The following YWHAZ variants were observed in gnomAD, a reference collection of about 807,000 sequenced individuals.
YWHAZ encodes 14-3-3 protein zeta/delta.
For synonymous variants in YWHAZ, 87 were observed against 103.6 expected (o/e 0.84, Z 0.97); for missense variants, 79 against 284.8 (o/e 0.28, Z 5.20).
Position 100,920,772 on chromosome 8 carries a change from T to G in YWHAZ, c.679-20A>C, listed in dbSNP as rs1203251860. 1.5e-6 allele frequency: 2 copies of G among 1,321,746 alleles called. No homozygotes were observed. The highest frequency in any genetic ancestry group is 1.0e-6 in the Non-Finnish European group (1 of 992,836). 81.9% of individuals were successfully genotyped at this position (1,321,746 alleles called of 1,614,324 possible). Reference sequence around the variant, plus strand: ...CCACAACTGGTAAAAGAAGGAAAGATTTTTCAGCAAGTTTCAGTGGGATGG... The same window carrying G: ...CCACAACTGGTAAAAGAAGGAAAGAGTTTTCAGCAAGTTTCAGTGGGATGG... On this transcript the variant is annotated intron_variant, in intron 5 of 5. Transcript: ENST00000395958.
At position 100,951,519 on chromosome 8, in the gene YWHAZ, G is replaced by A. The variant is rs534146102; in HGVS notation, c.-12+410C>T. On this transcript the variant is annotated intron_variant, in intron 1 of 5. Coordinates refer to ENST00000395958, the MANE Select transcript of YWHAZ (RefSeq NM_145690.3). ...CATTATCTCGGGCGGAAGCGAGAAG[G>A]GCGGCGAGGGAGGGGGTGGAAGCCC... 81 of 985,662 alleles carry A rather than the reference G, an allele frequency of 8.2e-5. No homozygotes were observed. In the African/African-American group the frequency reaches 1.2e-3, roughly 15 times the overall value. The allele number at this position is 985,662 out of a possible 1,614,324, so 61.1% of individuals were successfully genotyped here.
chr8:100,937,580 AACTTTG>A (rs1814246132), intron 2 of YWHAZ, among the ~76,000 whole-genome samples: 2 of 152,350 alleles, frequency 1.3e-5, no homozygotes, highest in South Asian at 4.1e-4. Flanking sequence ...CAGCTGGGCT[AACTTTG>A]ACATGACCTC....
At chr8:100,933,562 T>C (rs1813910517) in intron 2 of YWHAZ, among the ~76,000 whole-genome samples, 1 of 152,220 alleles carries the variant, frequency 6.6e-6, no homozygotes, top group African/African-American at 2.4e-5. Context: ...CTGTGCTAAA[T>C]ACCTCTCCAT....
chr8:100,943,495 CAATGACATTT>C (rs1258000184), intron 2 of YWHAZ, among the ~76,000 whole-genome samples: 2 of 152,130 alleles, frequency 1.3e-5, no homozygotes, highest in Non-Finnish European at 2.9e-5. Flanking sequence ...TCCAAAAGTC[CAATGACATTT>C]AATTCAGTAT....
In YWHAZ at chr8:100,925,028, T is replaced by C. The variant is rs1813264488; in HGVS notation, c.306A>G (p.Glu102=). 1.2e-6 allele frequency: 2 copies of C among 1,612,620 alleles called. No homozygotes were observed. Among genetic ancestry groups the C allele is most frequent in the South Asian group, 2.2e-5 (2 of 90,862 alleles). ...DICNDVLSLL[E]KFLIPNASQA... ...GTGAAGCATTGGGGATCAAGAACTT[T>C]TCCAAAAGAGACTTAAGAAGAAAAG... The change falls in exon 3 of 6, where the codon GAA becomes GAG. Residue 102 remains glutamate (E), a synonymous_variant. Coordinates refer to ENST00000395958, the MANE Select transcript of YWHAZ (RefSeq NM_145690.3).
intron 2 of YWHAZ, among the ~76,000 whole-genome samples, chr8:100,943,737 A>G (rs995636938): frequency 5.3e-5 from 8 of 152,178 alleles, no homozygotes; most frequent in Admixed American, 4.6e-4. Context: ...CTGTAATCCC[A>G]GCACTTTGGG....
intron 2 of YWHAZ, among the ~76,000 whole-genome samples, chr8:100,925,967 C>T (rs1265101237): frequency 6.6e-6 from 1 of 152,090 alleles, no homozygotes; most frequent in Non-Finnish European, 1.5e-5. Flanking sequence ...CTCACTACCC[C>T]ACTTCCTTTA....
In YWHAZ at chr8:100,919,044, G is replaced by T. The variant is rs1234708345; in HGVS notation, c.*1649C>A. On this transcript the variant is annotated 3_prime_UTR_variant, in exon 6 of 6. Transcript: ENST00000395958. Reference sequence around the variant, plus strand: ...GATAAACACAGTCTCATCAACTAAGGAGAGATTTGCTGCAGTAAATAGGAT... The same window carrying T: ...GATAAACACAGTCTCATCAACTAAGTAGAGATTTGCTGCAGTAAATAGGAT... 4 of 152,236 alleles carry T rather than the reference G, an allele frequency of 2.6e-5. No homozygotes were observed. The highest frequency in any genetic ancestry group is 9.7e-5 in the African/African-American group (4 of 41,432). 9.4% of individuals were successfully genotyped at this position (152,236 alleles called of 1,614,324 possible).
At chr8:100,931,932 GAAC>G (rs1170400974) in intron 2 of YWHAZ, 2 of 151,988 alleles carry the variant, frequency 1.3e-5, no homozygotes, top group African/African-American at 4.8e-5. Flanking sequence ...AAAGAAAAAA[GAAC>G]AAAAGAAAAA....
chr8:100,949,120 C>T (rs922093235), intron 1 of YWHAZ, among the ~76,000 whole-genome samples: 5 of 152,190 alleles, frequency 3.3e-5, no homozygotes, highest in Non-Finnish European at 4.4e-5. Flanking sequence ...GCCATTAACA[C>T]ATCAGTGTAG....
intron 1 of YWHAZ, chr8:100,951,444 G>T: frequency 2.0e-6 from 2 of 981,712 alleles, no homozygotes; most frequent in Non-Finnish European, 2.4e-6. Context: ...AGAGGGGAGG[G>T]GGCGGCCTCA....
intron 2 of YWHAZ, chr8:100,947,977 ACAGTAAGTAC>A: frequency 1.3e-6 from 1 of 788,030 alleles, no homozygotes; most frequent in East Asian, 2.8e-5. Flanking sequence ...GTGCTTCAAC[ACAGTAAGTAC>A]TGAATACTTA....
intron 2 of YWHAZ, among the ~76,000 whole-genome samples, chr8:100,934,421 G>C (rs930504296): frequency 6.6e-6 from 1 of 150,862 alleles, no homozygotes; most frequent in African/African-American, 2.5e-5. Flanking sequence ...GGAGGTACGG[G>C]CTGGTTGTGG....
At chr8:100,940,147 C>T (rs904966894) in intron 2 of YWHAZ, among the ~76,000 whole-genome samples, 2 of 151,302 alleles carry the variant, frequency 1.3e-5, no homozygotes, top group African/African-American at 2.4e-5. Context: ...TAAGTATAAA[C>T]TTAAAAATTA....
In YWHAZ at chr8:100,943,998, G is replaced by GA. The variant is rs1269434686; in HGVS notation, c.294+4597dup. Among the ~76,000 whole-genome samples the GA allele has an allele frequency of 6.1e-5, 8 of 131,988 alleles. 1 individual carries two copies. The highest frequency in any genetic ancestry group is 4.2e-4 in the East Asian group (2 of 4,792). The allele number at this position is 131,988 out of a possible 152,430, so 86.6% of individuals were successfully genotyped here. On this transcript the variant is annotated intron_variant, in intron 2 of 5. Coordinates refer to ENST00000395958, the MANE Select transcript of YWHAZ (RefSeq NM_145690.3). ...CAAGACTCCGTCTCAAAAAAAAAAA[G>GA]AAAAAAGAAAAAAAGAAAAAAAAGA...
rs1181504167 is a variant in YWHAZ at position 100,924,529 on chromosome 8, T to C, written c.419-231A>G. 1.3e-5 allele frequency among the ~76,000 whole-genome samples: 2 copies of C among 152,148 alleles called. No individual in the cohort carries two copies. Among genetic ancestry groups the C allele is most frequent in the Non-Finnish European group, 2.9e-5 (2 of 68,030 alleles). On this transcript the variant is annotated intron_variant, in intron 3 of 5. Transcript: ENST00000395958. This position sits in a 1 kb window ranked among gnomAD's most constrained non-coding sequence, Gnocchi z 5.7. ...ACTTTATAATCTCATTATTGTTATG[T>C]TTTTAAAAAATTGACGAGTTTTGAC...
chr8:100,939,198 T>C (rs991625963), intron 2 of YWHAZ, among the ~76,000 whole-genome samples: 4 of 152,126 alleles, frequency 2.6e-5, no homozygotes, highest in African/African-American at 9.7e-5. Flanking sequence ...ACAATGCTGA[T>C]AGAAAGCCCC....
At chr8:100,951,574 C>G in intron 1 of YWHAZ, 1 of 985,324 alleles carries the variant, frequency 1.0e-6, no homozygotes, top group Non-Finnish European at 1.2e-6. Flanking sequence ...TGGATCGCGG[C>G]CGGCGGCGCC....
At chr8:100,934,991 T>TG (rs1238952733) in intron 2 of YWHAZ, 2 of 150,024 alleles carry the variant, frequency 1.3e-5, no homozygotes, top group East Asian at 2.0e-4. Flanking sequence ...CCGTCTCTAC[T>TG]GGGAAAAAAA....
Sources: gnomAD v4.1 joint callset for allele counts (sites outside exome capture counted in the v4.1 genomes callset) on GRCh38, gnomAD v4.1.1 for gene constraint, Gnocchi (gnomAD v3.1) non-coding constraint, MANE v1.5 for transcripts, NCBI Gene and HGNC (gene_info 2026-07-23, HGNC 2026-07-21) for gene names.